Variants in MGAT1 observed in about 807,000 individuals in gnomAD.
MGAT1 encodes the protein alpha-1,3-mannosyl-glycoprotein 2-beta-N-acetylglucosaminyltransferase.
In MGAT1, 14 loss-of-function variants were observed where a neutral mutation model predicts 31.7. The observed-to-expected ratio is 0.44, with a 90% CI of 0.29 to 0.69. MGAT1 has a LOEUF of 0.69. Ranked by LOEUF, MGAT1 falls within the 30% of genes least tolerant of loss-of-function variation. The pLI is 0.12. For synonymous variants in MGAT1, 338 were observed against 276.0 expected (o/e 1.22, Z -2.23); for missense variants, 557 against 626.0 (o/e 0.89, Z 1.18).
intron 1 of MGAT1, among the ~76,000 whole-genome samples, chr5:180,797,117 G>A (rs943460716): frequency 1.3e-5 from 2 of 152,180 alleles, no homozygotes; most frequent in African/African-American, 4.8e-5. Flanking sequence ...GCTTAGAAGG[G>A]TGGGGCCCCA....
intron 1 of MGAT1, chr5:180,810,897 C>T (rs1267115389): frequency 6.6e-6 from 1 of 152,234 alleles, no homozygotes; most frequent in Non-Finnish European, 1.5e-5. Flanking sequence ...GTACCTGCGG[C>T]CGGGCCCGCC....
In MGAT1 at chr5:180,788,296, G is replaced by C. The variant is rs1767717498; in HGVS notation, c.*3338C>G. ...ACCCAGTCTTTCGTCTTGTAAGGGG[G>C]TCCTCTGGCACCGCAGGCCCCAAAC... is the stretch of plus-strand genomic sequence containing the variant. On this transcript the variant is annotated 3_prime_UTR_variant, in exon 2 of 2. Coordinates refer to ENST00000307826, the MANE Select transcript of MGAT1 (RefSeq NM_002406.4). 6.6e-6 allele frequency: 1 copy of C among 152,202 alleles called. No individual in the cohort carries two copies. The highest frequency in any genetic ancestry group is 1.5e-5 in the Non-Finnish European group (1 of 68,166). The allele number at this position is 152,202 out of a possible 1,614,324, so 9.4% of individuals were successfully genotyped here. A position where few individuals can be genotyped will look rare whatever the true frequency, so the allele number is the denominator to read the frequency against.
Position 180,791,687 on chromosome 5 carries a change from C to G in MGAT1, c.1285G>C (p.Val429Leu). ...CACGTCAGTGGGGGCGCCAGGTGGA[C>G]ACGGCGGCCCCGGAACTGGAAGGTG... is the stretch of plus-strand genomic sequence containing the variant. ...IVTFQFRGRR[V>L]HLAPPLTWEG... is the part of the protein sequence containing the mutation. Residue 429 changes from valine (V) to leucine (L), a missense_variant, in exon 2 of 2, where the codon GTC becomes CTC. Transcript: ENST00000307826. The G allele has an allele frequency of 6.2e-7, 1 of 1,613,876 alleles. No individual in the cohort carries two copies. The highest frequency in any genetic ancestry group is 1.1e-5 in the South Asian group (1 of 91,074).
Position 180,784,944 on chromosome 5 carries a change from T to C in MGAT1, c.*6690A>G, listed in dbSNP as rs1320206245. On this transcript the variant is annotated 3_prime_UTR_variant, in exon 2 of 2. Transcript: ENST00000307826. The stretch of plus-strand genomic sequence containing the variant: ...AATTATACGGTATATATTTGCCGTG[T>C]GGCAAAATATTCCTCGTTGGATCAT... The C allele has an allele frequency of 1.3e-5, 2 of 152,278 alleles. No individual in the cohort carries two copies. Among genetic ancestry groups the C allele is most frequent in the African/African-American group, 4.8e-5 (2 of 41,468 alleles). The allele number at this position is 152,278 out of a possible 1,614,324, so 9.4% of individuals were successfully genotyped here.
chr5:180,798,457 G>A (rs375838442), intron 1 of MGAT1, among the ~76,000 whole-genome samples: 7 of 152,086 alleles, frequency 4.6e-5, no homozygotes, highest in Non-Finnish European at 1.0e-4. Context: ...AGCAACAAGC[G>A]CAACCACTTG....
chr5:180,806,246 A>T (rs1771847813), upstream of MGAT1, among the ~76,000 whole-genome samples: 1 of 152,038 alleles, frequency 6.6e-6, no homozygotes, highest in African/African-American at 2.4e-5. Context: ...AGATCGCACC[A>T]CTGCACTCCA....
chr5:180,791,780 C>A lies in MGAT1; in HGVS notation c.1192G>T (p.Ala398Ser). The A allele has an allele frequency of 1.9e-6, 3 of 1,614,110 alleles. No homozygotes were observed. In the South Asian group the frequency reaches 3.3e-5, roughly 18 times the overall value. Residue 398 changes from alanine to serine, a missense_variant, in exon 2 of 2, where the codon GCC becomes TCC. Around this residue, in one of 3 missense-constraint regions of MGAT1, gnomAD observed 145 missense variants for 143.2 expected, o/e 1.01. Transcript: ENST00000307826. ...YTGRDSFKAFAKALGVMDDLK... is the reference protein window; with the variant it reads ...YTGRDSFKAFSKALGVMDDLK... The stretch of plus-strand genomic sequence containing the variant: ...TCATCCATGACACCCAGAGCCTTGG[C>A]GAAAGCCTTGAAGCTGTCCCTGCCC...
intron 2 of MGAT1, among the ~76,000 whole-genome samples, chr5:180,807,866 G>A (rs150225760): frequency 6.6e-6 from 1 of 152,232 alleles, no homozygotes; most frequent in Non-Finnish European, 1.5e-5. Context: ...GAAGAAAACA[G>A]AACTCCTGAC....
Position 180,791,818 on chromosome 5 carries a change from C to A in MGAT1, c.1154G>T (p.Arg385Leu). 6.2e-7 allele frequency: 1 copy of A among 1,614,208 alleles called. No individual in the cohort carries two copies. Among genetic ancestry groups the A allele is most frequent in the Non-Finnish European group, 8.5e-7 (1 of 1,180,028 alleles). The change falls in exon 2 of 2, where the codon CGG (arginine) becomes CTG (leucine). Residue 385 changes from arginine (R) to leucine (L), a missense_variant. Transcript: ENST00000307826. Reference sequence around the variant, plus strand: ...GCTGTCCCTGCCCGTATACTGCACCCGCACCTCCCCCAGCTCCTTCCGGTC... The same window carrying A: ...GCTGTCCCTGCCCGTATACTGCACCAGCACCTCCCCCAGCTCCTTCCGGTC... ...TNDRKELGEVRVQYTGRDSFK... is the reference protein window; with the variant it reads ...TNDRKELGEVLVQYTGRDSFK...
At chr5:180,799,529 C>T (rs1770254788) in intron 1 of MGAT1, among the ~76,000 whole-genome samples, 1 of 152,196 alleles carries the variant, frequency 6.6e-6, no homozygotes, top group Admixed American at 6.5e-5. Flanking sequence ...CTGACTCCCA[C>T]CTTCCTCCTT....
intron 1 of MGAT1, chr5:180,810,253 C>T (rs912867081): frequency 3.3e-5 from 5 of 152,192 alleles, no homozygotes; most frequent in African/African-American, 1.2e-4. Flanking sequence ...CAGCGTTCCA[C>T]ATCCCGCCCA....
chr5:180,811,065 C>T (rs1444729289), intron 1 of MGAT1: 1 of 152,266 alleles, frequency 6.6e-6, no homozygotes, highest in African/African-American at 2.4e-5. Context: ...GTTTCCCCCT[C>T]ACGCTGAATC....
Position 180,802,739 on chromosome 5 carries a change from C to G in MGAT1, c.-186G>C, listed in dbSNP as rs1166845856. On this transcript the variant is annotated 5_prime_UTR_variant, in exon 1 of 2. Coordinates refer to ENST00000307826, the MANE Select transcript of MGAT1 (RefSeq NM_002406.4). ...CTGCTCCGGGGCGCAGGGAGCGAGC[C>G]CGGTGCCCAGGCGCGTCCCAAGCGC... The G allele has an allele frequency of 2.0e-5, 3 of 152,164 alleles. No homozygotes were observed. The highest frequency in any genetic ancestry group is 7.2e-5 in the African/African-American group (3 of 41,456). 9.4% of individuals were successfully genotyped at this position (152,164 alleles called of 1,614,324 possible).
At chr5:180,797,441 C>G (rs931803762) in intron 1 of MGAT1, among the ~76,000 whole-genome samples, 1,342 of 110,408 alleles carry the variant, frequency 0.012, 15 homozygotes, top group South Asian at 0.033. Flanking sequence ...GGGGGGGGGG[C>G]CCAGAGGGAT....
chr5:180,807,574 A>G (rs1021678092), upstream of MGAT1, among the ~76,000 whole-genome samples: 4 of 152,226 alleles, frequency 2.6e-5, no homozygotes, highest in African/African-American at 9.7e-5. Flanking sequence ...TCACTCCAAG[A>G]AAAGTGCCTA....
Position 180,792,165 on chromosome 5 carries a change from C to A in MGAT1, c.807G>T (p.Trp269Cys). 6.2e-7 allele frequency: 1 copy of A among 1,613,088 alleles called. No individual in the cohort carries two copies. Among genetic ancestry groups the A allele is most frequent in the Non-Finnish European group, 8.5e-7 (1 of 1,179,986 alleles). ...CAGCCCAGAGCTCGGCCAACAGCAG[C>A]CAGCCCAGGCCAGGGAAAAAGTCGG... ...YRTDFFPGLG[W>C]LLLAELWAEL... Residue 269 changes from tryptophan (W) to cysteine (C), a missense_variant, in exon 2 of 2, where the codon TGG becomes TGT. Transcript: ENST00000307826.
rs1561841863 is a variant in MGAT1 at position 180,797,183 on chromosome 5, G to A, written c.-126-4086C>T. Among the ~76,000 whole-genome samples, 7 of 152,116 alleles carry A rather than the reference G, an allele frequency of 4.6e-5. No homozygotes were observed. The South Asian group carries it at 6.2e-4, about 13-fold the overall frequency. ...AGCGCTTTGGGATGCCAAGGCAGGC[G>A]GATCACCTGAGGTCAGGAGCCTGGC... is the stretch of plus-strand genomic sequence containing the variant. On this transcript the variant is annotated intron_variant, in intron 1 of 1. Transcript: ENST00000307826.
chr5:180,800,977 C>T (rs1317578904), intron 1 of MGAT1, among the ~76,000 whole-genome samples: 1 of 152,222 alleles, frequency 6.6e-6, no homozygotes, highest in East Asian at 1.9e-4. Context: ...CACAGCCAAT[C>T]CACACCACCA....
upstream of MGAT1, among the ~76,000 whole-genome samples, chr5:180,805,323 G>A (rs1415533211): frequency 6.6e-6 from 1 of 152,164 alleles, no homozygotes; most frequent in African/African-American, 2.4e-5. Flanking sequence ...GAACTGAAAA[G>A]ATGAAAAGGA....
Sources: gnomAD v4.1 joint callset for allele counts (sites outside exome capture counted in the v4.1 genomes callset) on GRCh38, gnomAD v4.1.1 for gene constraint, gnomAD v4.1.1 regional missense constraint, MANE v1.5 for transcripts, NCBI Gene and HGNC (gene_info 2026-07-23, HGNC 2026-07-21) for gene names.